The following RBM19 variants were observed in gnomAD, a reference collection of about 807,000 sequenced individuals.
RBM19 encodes the protein RNA binding motif protein 19.
RBM19 carries 94 observed loss-of-function variants against 116.8 expected under a neutral mutation model. That is an observed-to-expected ratio of 0.80 (90% CI 0.68 to 0.95). RBM19 has a LOEUF of 0.95. Ranked by LOEUF, RBM19 falls within the 40% of genes least tolerant of loss-of-function variation. RBM19 has a pLI of 0.00. For synonymous variants in RBM19, 475 were observed against 494.1 expected, an observed-to-expected ratio of 0.96 and a Z score of 0.51; for missense variants, 1,161 against 1,220.7, an observed-to-expected ratio of 0.95 and a Z score of 0.73.
intron 21 of RBM19, among the ~76,000 whole-genome samples, chr12:113,893,373 G>A (rs1881086294): frequency 6.6e-6 from 1 of 152,110 alleles, no homozygotes; most frequent in Non-Finnish European, 1.5e-5. Flanking sequence ...CAAGCAATCC[G>A]CCCGCCTTGC....
At chr12:113,896,283 T>C (rs1881316747) in intron 21 of RBM19, among the ~76,000 whole-genome samples, 2 of 152,206 alleles carry the variant, frequency 1.3e-5, no homozygotes, top group Non-Finnish European at 2.9e-5. Flanking sequence ...CTTTGTTCGC[T>C]TGCCCCAGAG....
chr12:113,842,119 G>T (rs1469740727), intron 23 of RBM19, among the ~76,000 whole-genome samples: 1 of 152,240 alleles, frequency 6.6e-6, no homozygotes, highest in Non-Finnish European at 1.5e-5. Flanking sequence ...GCCTTGGCCT[G>T]GCTGGTAAGT....
At chr12:113,858,355 G>C (rs1878078253) in intron 22 of RBM19, among the ~76,000 whole-genome samples, 1 of 152,226 alleles carries the variant, frequency 6.6e-6, no homozygotes. Flanking sequence ...GCGGAAAAAA[G>C]GAAGGGGAAG....
At chr12:113,834,878 A>G (rs1875740240) in intron 23 of RBM19, among the ~76,000 whole-genome samples, 1 of 152,162 alleles carries the variant, frequency 6.6e-6, no homozygotes, top group Non-Finnish European at 1.5e-5. Context: ...TTCTTAAGGG[A>G]GCTGTGAGCC....
chr12:113,863,711 T>C (rs1878589014), intron 21 of RBM19, among the ~76,000 whole-genome samples: 1 of 152,212 alleles, frequency 6.6e-6, no homozygotes, highest in Non-Finnish European at 1.5e-5. Context: ...GAAAGTCTGC[T>C]GCCACCTAAG....
At chr12:113,834,507 T>C (rs1468715076) in intron 23 of RBM19, among the ~76,000 whole-genome samples, 1 of 152,228 alleles carries the variant, frequency 6.6e-6, no homozygotes, top group Non-Finnish European at 1.5e-5. Context: ...GTAAATACTT[T>C]AGGCTTGGTG....
At chr12:113,885,933 A>G (rs1190472656) in intron 21 of RBM19, among the ~76,000 whole-genome samples, 1 of 148,528 alleles carries the variant, frequency 6.7e-6, no homozygotes. Flanking sequence ...CAGTGGTGCA[A>G]TCTTGGCTCA....
chr12:113,913,823 G>A (rs1807909315), intron 21 of RBM19, among the ~76,000 whole-genome samples: 1 of 152,222 alleles, frequency 6.6e-6, no homozygotes, highest in Non-Finnish European at 1.5e-5. Context: ...CCCACGCGCA[G>A]GCCATGGTGC....
chr12:113,917,644 C>G (rs1882846975), intron 20 of RBM19, among the ~76,000 whole-genome samples: 1 of 152,214 alleles, frequency 6.6e-6, no homozygotes. Context: ...CAACAAATTA[C>G]CAACTTGTTG....
In RBM19 at chr12:113,890,701, AGG is replaced by A. The variant is rs1405419843; in HGVS notation, c.2558+24266_2558+24267del. Among the ~76,000 whole-genome samples, 3 of 152,242 alleles carry A rather than the reference AGG, an allele frequency of 2.0e-5. 1 individual carries two copies. The highest frequency in any genetic ancestry group is 4.4e-5 in the Non-Finnish European group (3 of 68,036). On this transcript the variant is annotated intron_variant, in intron 21 of 23. Coordinates refer to ENST00000261741, the MANE Select transcript of RBM19 (RefSeq NM_016196.4). ...CCATTCCATGTCCCTAGGGCAAGGC[AGG>A]GGTGTCCCACAGAACTTCAGAACAG... is the stretch of plus-strand genomic sequence containing the variant.
chr12:113,911,019 T>C (rs1309247313), intron 21 of RBM19, among the ~76,000 whole-genome samples: 1 of 149,650 alleles, frequency 6.7e-6, no homozygotes, highest in Non-Finnish European at 1.5e-5. Context: ...ATGTGCAACA[T>C]ACCTACTCCA....
At chr12:113,962,453 G>T in intron 1 of RBM19, 39 bp from the exon 2 acceptor site, 1 of 1,581,836 alleles carries the variant, frequency 6.3e-7, no homozygotes, top group African/African-American at 1.3e-5. Context: ...GAACTGGAAA[G>T]TCCCCAGAGC....
At chr12:113,909,054 T>A (rs1882260228) in intron 21 of RBM19, among the ~76,000 whole-genome samples, 1 of 152,224 alleles carries the variant, frequency 6.6e-6, no homozygotes, top group South Asian at 2.1e-4. Flanking sequence ...CAGGACAGGC[T>A]GAGCTACCCT....
intron 16 of RBM19, among the ~76,000 whole-genome samples, chr12:113,929,357 T>C (rs1264525079): frequency 6.6e-6 from 1 of 152,164 alleles, no homozygotes; most frequent in Non-Finnish European, 1.5e-5. Flanking sequence ...TTAACATCAG[T>C]TGAACACACT....
Position 113,895,841 on chromosome 12 carries a change from T to C in RBM19, c.2558+19128A>G, listed in dbSNP as rs912011413. On this transcript the variant is annotated intron_variant, in intron 21 of 23. Coordinates refer to ENST00000261741, the MANE Select transcript of RBM19 (RefSeq NM_016196.4). The stretch of plus-strand genomic sequence containing the variant: ...TATACTATATATCTATTGGATTATA[T>C]ATAGAATATATACTATAGCTATATA... 2.7e-5 allele frequency among the ~76,000 whole-genome samples: 4 copies of C among 150,034 alleles called. No individual in the cohort carries two copies. The East Asian group carries it at 7.8e-4, about 29-fold the overall frequency.
At chr12:113,864,142 G>A (rs1593501867) in intron 21 of RBM19, among the ~76,000 whole-genome samples, 1 of 152,192 alleles carries the variant, frequency 6.6e-6, no homozygotes, top group African/African-American at 2.4e-5. Context: ...GCAGCATCAG[G>A]CTTAGCTAGG....
At chr12:113,837,109 A>G (rs1876017771) in intron 23 of RBM19, among the ~76,000 whole-genome samples, 1 of 150,010 alleles carries the variant, frequency 6.7e-6, no homozygotes, top group African/African-American at 2.5e-5. Flanking sequence ...ATACATACAT[A>G]CACACACACG....
chr12:113,907,866 G>T (rs1882172090), intron 21 of RBM19, among the ~76,000 whole-genome samples: 1 of 152,196 alleles, frequency 6.6e-6, no homozygotes, highest in African/African-American at 2.4e-5. Context: ...GGATGAGGTT[G>T]CAAGCTCTTA....
At chr12:113,860,080 C>A (rs1288419949) in intron 21 of RBM19, among the ~76,000 whole-genome samples, 2 of 152,234 alleles carry the variant, frequency 1.3e-5, no homozygotes, top group Non-Finnish European at 2.9e-5. Flanking sequence ...TCGGAGCTCT[C>A]CCCAGCAGCT....
Sources: allele counts gnomAD v4.1 joint callset (sites outside exome capture counted in the v4.1 genomes callset), GRCh38; gene constraint gnomAD v4.1.1; transcripts MANE v1.5; gene names NCBI Gene and HGNC (gene_info 2026-07-23, HGNC 2026-07-21).